The following FAHD1 variants were observed in gnomAD, a reference collection of about 807,000 sequenced individuals.
FAHD1 encodes the protein FAH domain containing oxaloacetate decarboxylase 1, also known as oxaloacetate tautomerase FAHD1, mitochondrial.
Under a neutral mutation model 12.7 loss-of-function variants are expected in FAHD1, and 14 were observed. The observed-to-expected ratio is 1.10, with a 90% confidence interval of 0.73 to 1.72. The LOEUF is 1.72. FAHD1 is among the 40% of genes most tolerant of loss of function. The probability of loss-of-function intolerance (pLI) is 0.00; values close to 1 mark genes in which losing one functional copy is unlikely to be tolerated. For missense variants in FAHD1, 351 were observed against 298.9 expected (o/e 1.17, Z -1.29); for synonymous variants, 153 against 124.9 (o/e 1.22, Z -1.50).
downstream of FAHD1, among the ~76,000 whole-genome samples, chr16:1,830,660 CAG>C (rs1204473202): frequency 2.0e-5 from 3 of 152,184 alleles, no homozygotes; most frequent in East Asian, 3.8e-4. Context: ...GAATCAAAAA[CAG>C]AGACACCAAG....
intron 1 of FAHD1, chr16:1,837,609 T>C: frequency 2.1e-6 from 1 of 466,078 alleles, no homozygotes; most frequent in East Asian, 3.3e-5. Context: ...CTTTATACAA[T>C]ATGAAAAAAC....
chr16:1,834,049 A>T (rs1030761762), intron 1 of FAHD1: 2 of 441,622 alleles, frequency 4.5e-6, no homozygotes, highest in Non-Finnish European at 8.0e-6. Context: ...AGACAAGGCA[A>T]AGACAGTAGG....
chr16:1,827,835 C>T, exon 1 of FAHD1: 1 of 1,614,004 alleles, frequency 6.2e-7, no homozygotes, highest in Non-Finnish European at 8.5e-7. Context: ...TTAAAGAAAA[C>T]GATGAGATCG....
chr16:1,829,492 C>A (rs761496102), downstream of FAHD1, among the ~76,000 whole-genome samples: 1 of 152,074 alleles, frequency 6.6e-6, no homozygotes, highest in Non-Finnish European at 1.5e-5. Context: ...AAGACCAGAA[C>A]GTGAAGTTTT....
exon 1 of FAHD1, chr16:1,828,396 A>T: frequency 2.0e-6 from 2 of 1,001,870 alleles, no homozygotes; most frequent in South Asian, 9.3e-5. Flanking sequence ...AGAAATGAAA[A>T]CAGGCAAGTA....
At chr16:1,828,235 T>A (rs1428400885) in exon 1 of FAHD1, 1 of 935,524 alleles carries the variant, frequency 1.1e-6, no homozygotes, top group Non-Finnish European at 1.3e-6. Context: ...GAGCTGAGAT[T>A]GCGCCACTGT....
downstream of FAHD1, among the ~76,000 whole-genome samples, chr16:1,832,222 C>CTGGGG (rs57642641): frequency 7.5e-6 from 1 of 132,766 alleles, no homozygotes; most frequent in Non-Finnish European, 1.6e-5. Context: ...GTTGCCCACG[C>CTGGGG]TGCAGTGGCA....
intron 1 of FAHD1, among the ~76,000 whole-genome samples, chr16:1,835,383 T>TA (rs1055662848): frequency 6.6e-6 from 1 of 152,278 alleles, no homozygotes; most frequent in East Asian, 1.9e-4. Flanking sequence ...TATGATGACA[T>TA]AATTTAATAA....
At chr16:1,835,437 C>T (rs1011465687) in intron 1 of FAHD1, among the ~76,000 whole-genome samples, 6 of 151,974 alleles carry the variant, frequency 3.9e-5, no homozygotes, top group African/African-American at 1.5e-4. Flanking sequence ...TTATACAGCA[C>T]TTTAACCAAC....
downstream of FAHD1, among the ~76,000 whole-genome samples, chr16:1,829,345 T>A (rs1898582235): frequency 6.6e-6 from 1 of 152,174 alleles, no homozygotes; most frequent in Non-Finnish European, 1.5e-5. Flanking sequence ...ACGTGTTATG[T>A]AACCAGCAAC....
chr16:1,839,447 A>T (rs766989673), exon 3 of FAHD1: 37 of 1,598,532 alleles, frequency 2.3e-5, no homozygotes, highest in Admixed American at 5.3e-5. Context: ...AACTGAAAAG[A>T]AACAAAGACA....
At chr16:1,834,288 T>C (rs1464619944) in intron 1 of FAHD1, 1 of 1,612,222 alleles carries the variant, frequency 6.2e-7, no homozygotes, top group South Asian at 1.1e-5. Context: ...AAGTTTCTGC[T>C]TGCCTCAGTA....
chr16:1,834,408 A>G (rs1408235662), intron 1 of FAHD1: 6 of 1,096,332 alleles, frequency 5.5e-6, no homozygotes, highest in Non-Finnish European at 8.3e-6. Flanking sequence ...GTTAATTTTT[A>G]AAATCCCCTT....
At chr16:1,838,022 G>A in exon 2 of FAHD1, 2 of 1,384,556 alleles carry the variant, frequency 1.4e-6, no homozygotes, top group Non-Finnish European at 1.9e-6. Flanking sequence ...GTAGAGACAG[G>A]GTCTCACTCT....
At chr16:1,838,103 C>A in exon 2 of FAHD1, 1 of 663,864 alleles carries the variant, frequency 1.5e-6, no homozygotes, top group Non-Finnish European at 2.5e-6. Flanking sequence ...GTCAAGCAAT[C>A]CTCCCTCAGC....
chr16:1,831,300 C>A (rs1301592766), downstream of FAHD1, among the ~76,000 whole-genome samples: 2 of 152,102 alleles, frequency 1.3e-5, no homozygotes, highest in African/African-American at 4.8e-5. Context: ...GATTCTTGTT[C>A]CCGTGATTTG....
intron 2 of FAHD1, among the ~76,000 whole-genome samples, chr16:1,838,828 AT>A (rs1292863412): frequency 6.6e-6 from 1 of 152,068 alleles, no homozygotes; most frequent in East Asian, 1.9e-4. Context: ...AGTAGCTAGG[AT>A]TACAAGTGCA....
chr16:1,835,210 G>A (rs113743262), intron 1 of FAHD1, among the ~76,000 whole-genome samples: 2,849 of 151,674 alleles, frequency 0.019, 67 homozygotes, highest in Middle Eastern at 0.048. Flanking sequence ...AGCTGTGATC[G>A]CACCACGTGC....
chr16:1,837,586 T>A (rs1898784286), intron 1 of FAHD1: 1 of 387,300 alleles, frequency 2.6e-6, no homozygotes, highest in African/African-American at 2.1e-5. Context: ...TTCTTTGATG[T>A]CTTTGGTAAC....
Sources: gnomAD v4.1 joint callset for allele counts (sites outside exome capture counted in the v4.1 genomes callset) on GRCh38, gnomAD v4.1.1 for gene constraint, MANE v1.5 for transcripts, NCBI Gene and HGNC (gene_info 2026-07-23, HGNC 2026-07-21) for gene names.